CREB3L2: variants seen among roughly 807,000 people sequenced by gnomAD.
CREB3L2 encodes cyclic AMP-responsive element-binding protein 3-like protein 2.
A neutral mutation model predicts 57.2 loss-of-function variants in CREB3L2; 23 were observed. The ratio of observed to expected loss-of-function variants is 0.40; its 90% CI spans 0.29 to 0.57. CREB3L2 has a LOEUF of 0.57. Ranked by LOEUF, CREB3L2 falls within the 20% of genes least tolerant of loss-of-function variation. The pLI, the probability that CREB3L2 is intolerant of heterozygous loss-of-function variation, is 0.42. For missense variants in CREB3L2, 628 were observed against 634.7 expected, an observed-to-expected ratio of 0.99 and a Z score of 0.11; for synonymous variants, 268 against 265.1, an observed-to-expected ratio of 1.01 and a Z score of -0.11.
At chr7:137,968,884 C>G (rs115392444) in intron 1 of CREB3L2, among the ~76,000 whole-genome samples, 1,875 of 151,990 alleles carry the variant, frequency 0.012, 31 homozygotes, top group African/African-American at 0.043. Flanking sequence ...TGTGTGTGTC[C>G]TAGGGGGTTG....
intron 6 of CREB3L2, among the ~76,000 whole-genome samples, chr7:137,904,488 A>G (rs930694251): frequency 1.3e-5 from 2 of 152,194 alleles, no homozygotes; most frequent in African/African-American, 2.4e-5. Flanking sequence ...CAACATGGTA[A>G]AACCCCGTCT....
At chr7:137,954,002 GA>G (rs1425419425) in intron 1 of CREB3L2, among the ~76,000 whole-genome samples, 2 of 152,156 alleles carry the variant, frequency 1.3e-5, no homozygotes, top group Non-Finnish European at 2.9e-5. Flanking sequence ...CAGGGAAAGA[GA>G]AATTCTTCAT....
At chr7:137,907,157 C>G (rs914444340) in intron 5 of CREB3L2, among the ~76,000 whole-genome samples, 2 of 152,156 alleles carry the variant, frequency 1.3e-5, no homozygotes, top group African/African-American at 4.8e-5. Context: ...TTTGAAAAGT[C>G]ACTGAAGAAG....
intron 1 of CREB3L2, among the ~76,000 whole-genome samples, chr7:137,965,969 T>G (rs1212469665): frequency 2.6e-5 from 4 of 152,226 alleles, no homozygotes; most frequent in African/African-American, 9.6e-5. Context: ...TCAGTAGGTC[T>G]GCAGTGGGGC....
chr7:137,944,360 G>C (rs1368362364), intron 1 of CREB3L2, among the ~76,000 whole-genome samples: 4 of 152,180 alleles, frequency 2.6e-5, no homozygotes, highest in Non-Finnish European at 5.9e-5. Context: ...AATATTCCCA[G>C]TCTCAACAAA....
chr7:137,993,499 G>C (rs1008393015), intron 1 of CREB3L2, among the ~76,000 whole-genome samples: 1 of 152,172 alleles, frequency 6.6e-6, no homozygotes, highest in African/African-American at 2.4e-5. Flanking sequence ...CAAGAATCCA[G>C]AGTTTATTTG....
chr7:137,894,568 G>C (rs1342033558), intron 8 of CREB3L2, among the ~76,000 whole-genome samples: 1 of 152,180 alleles, frequency 6.6e-6, no homozygotes, highest in Non-Finnish European at 1.5e-5. Flanking sequence ...AACAGATTTG[G>C]GGTAGAAGTC....
chr7:137,919,258 A>C (rs1402169738), intron 2 of CREB3L2, among the ~76,000 whole-genome samples: 3 of 146,476 alleles, frequency 2.0e-5, no homozygotes, highest in Admixed American at 1.4e-4. Flanking sequence ...TGCAACCTCC[A>C]CCTCCTGGGT....
chr7:137,922,382 A>ATATGTATGTG (rs1339365374), intron 2 of CREB3L2, among the ~76,000 whole-genome samples: 24 of 102,738 alleles, frequency 2.3e-4, no homozygotes, highest in African/African-American at 1.5e-3. Flanking sequence ...ATATATATAT[A>ATATGTATGTG]TGTATATATA....
In CREB3L2 at chr7:137,927,273, G is replaced by C. The variant is rs368835676; in HGVS notation, c.319+877C>G. ...GAACGGAACAGAACGGAAAGGAAAGGAAAGGAGGAAGGAAGGAAGGAAGGG... is the reference window on the plus strand; with the variant it reads ...GAACGGAACAGAACGGAAAGGAAAGCAAAGGAGGAAGGAAGGAAGGAAGGG... On this transcript the variant is annotated intron_variant, in intron 2 of 11. Coordinates refer to ENST00000330387, the MANE Select transcript of CREB3L2 (RefSeq NM_194071.4). Among the ~76,000 whole-genome samples the C allele has an allele frequency of 4.6e-4, 59 of 129,178 alleles. 1 individual carries two copies. The South Asian group carries it at 7.4e-3, about 16-fold the overall frequency. The allele number at this position is 129,178 out of a possible 152,430, so 84.7% of individuals were successfully genotyped here. A position where few individuals can be genotyped will look rare whatever the true frequency, so the allele number is the denominator to read the frequency against.
rs979169063 is a variant in CREB3L2, at chr7:137,942,009, C to T, written c.103-13643G>A. 2.0e-5 allele frequency among the ~76,000 whole-genome samples: 3 copies of T among 152,126 alleles called. No individual in the cohort carries two copies. In the East Asian group the frequency reaches 5.8e-4, roughly 29 times the overall value. Reference sequence around the variant, plus strand: ...GGGGCTCATTTTCAGTTCATCAATTCATAATTGATTGATTGATCTTCCTTT... The same window carrying T: ...GGGGCTCATTTTCAGTTCATCAATTTATAATTGATTGATTGATCTTCCTTT... On this transcript the variant is annotated intron_variant, in intron 1 of 11. Coordinates refer to ENST00000330387, the MANE Select transcript of CREB3L2 (RefSeq NM_194071.4).
chr7:137,894,263 T>A (rs543988859), intron 8 of CREB3L2, among the ~76,000 whole-genome samples: 1 of 152,308 alleles, frequency 6.6e-6, no homozygotes, highest in African/African-American at 2.4e-5. Flanking sequence ...CAATCCCCAC[T>A]GAGAGCACAG....
rs1801938262 is a variant in CREB3L2 at position 137,993,631 on chromosome 7, TGCCTCA to T, written c.102+7967_102+7972del. Among the ~76,000 whole-genome samples the T allele has an allele frequency of 2.0e-5, 3 of 152,328 alleles. No homozygotes were observed. In the South Asian group the frequency reaches 6.2e-4, roughly 32 times the overall value. ...ACCTCCTGGGCTCAAGCGATCCTCC[TGCCTCA>T]GCCTCTGAAAGCGCTGGGATTACAA... On this transcript the variant is annotated intron_variant, in intron 1 of 11. Coordinates refer to ENST00000330387, the MANE Select transcript of CREB3L2 (RefSeq NM_194071.4).
At chr7:137,940,602 G>A (rs1043725779) in intron 1 of CREB3L2, among the ~76,000 whole-genome samples, 2 of 152,198 alleles carry the variant, frequency 1.3e-5, no homozygotes, top group African/African-American at 4.8e-5. Flanking sequence ...CCAAATGGGT[G>A]ACTGAAAAGT....
intron 1 of CREB3L2, among the ~76,000 whole-genome samples, chr7:137,975,792 A>C (rs368255574): frequency 1.3e-5 from 2 of 152,262 alleles, no homozygotes; most frequent in African/African-American, 4.8e-5. Flanking sequence ...CAAGCTTTGC[A>C]TGAAACAGCT....
chr7:137,950,809 T>C (rs1295324495), intron 1 of CREB3L2, among the ~76,000 whole-genome samples: 1 of 152,234 alleles, frequency 6.6e-6, no homozygotes, highest in Non-Finnish European at 1.5e-5. Context: ...GGGAACCTTT[T>C]CATTTCTCCA....
At chr7:137,983,269 C>T (rs1377737516) in intron 1 of CREB3L2, among the ~76,000 whole-genome samples, 2 of 152,164 alleles carry the variant, frequency 1.3e-5, no homozygotes, top group African/African-American at 2.4e-5. Context: ...AGCCCCAGGA[C>T]TGAGGAGGCT....
In CREB3L2 at chr7:137,875,797, T is replaced by C. The variant is rs1408419906; in HGVS notation, c.*4679A>G. On this transcript the variant is annotated 3_prime_UTR_variant, in exon 12 of 12. Coordinates refer to ENST00000330387, the MANE Select transcript of CREB3L2 (RefSeq NM_194071.4). The stretch of plus-strand genomic sequence containing the variant: ...TAAAACTGAAAGACTTAAAATTTAC[T>C]TAGCACAGCACGCAACACCCTAGTA... 8.9e-6 allele frequency: 2 copies of C among 224,432 alleles called. No individual in the cohort carries two copies. The highest frequency in any genetic ancestry group is 1.8e-5 in the Non-Finnish European group (2 of 112,598). 13.9% of individuals were successfully genotyped at this position (224,432 alleles called of 1,614,324 possible).
In CREB3L2 at chr7:137,880,458, G is replaced by T. The variant is rs141738028; in HGVS notation, c.*18C>A. On this transcript the variant is annotated 3_prime_UTR_variant, in exon 12 of 12. Transcript: ENST00000330387. The surrounding 1 kb of genome is among the most constrained non-coding windows in gnomAD (Gnocchi z 4.0). Reference sequence around the variant, plus strand: ...AAAAGTAGAGTTAAGGGAAAGGGAGGGGGTGCAGGCAGCCTCTTTAGAAAG... The same window carrying T: ...AAAAGTAGAGTTAAGGGAAAGGGAGTGGGTGCAGGCAGCCTCTTTAGAAAG... 11 of 1,603,308 alleles carry T rather than the reference G, an allele frequency of 6.9e-6. No individual in the cohort carries two copies. The South Asian group carries it at 7.7e-5, about 11-fold the overall frequency.
Sources: allele counts gnomAD v4.1 joint callset (sites outside exome capture counted in the v4.1 genomes callset), GRCh38; gene constraint gnomAD v4.1.1; non-coding constraint Gnocchi (gnomAD v3.1); transcripts MANE v1.5; gene names NCBI Gene and HGNC (gene_info 2026-07-23, HGNC 2026-07-21).